The following COMMD10 variants were observed in gnomAD, a reference collection of about 807,000 sequenced individuals.
The protein encoded by COMMD10 is COMM domain-containing protein 10.
Under a neutral mutation model 28.9 loss-of-function variants are expected in COMMD10, and 33 were observed. That is an observed-to-expected ratio of 1.14 (90% confidence interval 0.87 to 1.53). COMMD10 has a LOEUF of 1.53. Ranked by LOEUF, COMMD10 falls within the 40% of genes most tolerant of loss-of-function variation. The probability of loss-of-function intolerance (pLI) is 0.00; values close to 1 mark genes in which losing one functional copy is unlikely to be tolerated. For synonymous variants in COMMD10, 110 were observed against 81.7 expected (o/e 1.35, Z -1.87); for missense variants, 310 against 233.4 (o/e 1.33, Z -2.14).
intron 3 of COMMD10, among the ~76,000 whole-genome samples, chr5:116,091,911 TAGG>T (rs1347546032): frequency 6.6e-6 from 1 of 152,192 alleles, no homozygotes. Flanking sequence ...ATGAACATAT[TAGG>T]AGGACAAGCT....
intron 5 of COMMD10, among the ~76,000 whole-genome samples, chr5:116,150,702 G>T (rs1453771850): frequency 7.1e-6 from 1 of 140,466 alleles, no homozygotes; most frequent in Non-Finnish European, 1.5e-5. Context: ...TTTGTACATT[G>T]ATTTTGTATC....
At chr5:116,217,943 A>T in intron 5 of COMMD10, 1 of 750,822 alleles carries the variant, frequency 1.3e-6, no homozygotes, top group South Asian at 1.5e-5. Flanking sequence ...AAAATTTTGC[A>T]TTTTTATAAA....
At chr5:116,246,783 G>A (rs1090076) in intron 5 of COMMD10, among the ~76,000 whole-genome samples, 132,934 of 152,140 alleles carry the variant, frequency 0.87, 58,159 homozygotes, top group Non-Finnish European at 0.9. Context: ...TTGGCTAGCC[G>A]TATGCAGAAG....
chr5:116,204,602 C>T (rs1748763844), intron 5 of COMMD10, among the ~76,000 whole-genome samples: 1 of 152,078 alleles, frequency 6.6e-6, no homozygotes, highest in Non-Finnish European at 1.5e-5. Flanking sequence ...ATCTGCCTTT[C>T]CCCTTTATTT....
chr5:116,126,497 A>C lies in COMMD10; in HGVS notation c.400-7571A>C, dbSNP rs185530326. ...TCCTAAGCAAAAAGAACAAAGCTGG[A>C]AGCATCACATTACCGGACTTCAAAC... On this transcript the variant is annotated intron_variant, in intron 4 of 6. Coordinates refer to ENST00000274458, the MANE Select transcript of COMMD10 (RefSeq NM_016144.4). Among the ~76,000 whole-genome samples the C allele has an allele frequency of 1.9e-3, 289 of 152,238 alleles. 2 individuals carry two copies. Among genetic ancestry groups the C allele is most frequent in the African/African-American group, 6.8e-3 (283 of 41,472 alleles).
chr5:116,151,725 T>C (rs987126527), intron 5 of COMMD10, among the ~76,000 whole-genome samples: 1 of 152,058 alleles, frequency 6.6e-6, no homozygotes, highest in Admixed American at 6.6e-5. Context: ...ATTTTTGTTG[T>C]GTCTATTTGA....
At chr5:116,149,818 C>T in intron 5 of COMMD10, among the ~76,000 whole-genome samples, 1 of 144,226 alleles carries the variant, frequency 6.9e-6, no homozygotes, top group East Asian at 2.0e-4. Flanking sequence ...CCTGTTCACT[C>T]TGATGGTAGT....
At chr5:116,130,138 A>G (rs1751817253) in intron 4 of COMMD10, among the ~76,000 whole-genome samples, 1 of 151,870 alleles carries the variant, frequency 6.6e-6, no homozygotes, top group African/African-American at 2.4e-5. Flanking sequence ...TTTAAAAATT[A>G]CTTTCCTTGT....
chr5:116,114,464 C>T (rs751048518), intron 4 of COMMD10, among the ~76,000 whole-genome samples: 7 of 152,060 alleles, frequency 4.6e-5, no homozygotes, highest in Admixed American at 6.5e-5. Flanking sequence ...AGAAACCAAC[C>T]GAGAGAGTAA....
intron 5 of COMMD10, among the ~76,000 whole-genome samples, chr5:116,196,852 T>C (rs6874747): frequency 0.2 from 30,888 of 152,050 alleles, 5,074 homozygotes; most frequent in African/African-American, 0.46. Flanking sequence ...TTTTCAAATT[T>C]ATCAGTAAGA....
intron 5 of COMMD10, among the ~76,000 whole-genome samples, chr5:116,195,023 A>G (rs951909468): frequency 1.3e-5 from 2 of 152,218 alleles, no homozygotes; most frequent in Admixed American, 6.5e-5. Context: ...ATACAAGTCA[A>G]TAAATGTGAT....
chr5:116,263,309 C>T (rs1750499377), intron 5 of COMMD10, among the ~76,000 whole-genome samples: 1 of 151,720 alleles, frequency 6.6e-6, no homozygotes, highest in Admixed American at 6.6e-5. Context: ...AAATTCTCAT[C>T]AGATGGGTTT....
At position 116,207,138 on chromosome 5, in the gene COMMD10, A is replaced by G. The variant is rs1265273198; in HGVS notation, c.510+72960A>G. Among the ~76,000 whole-genome samples the G allele has an allele frequency of 2.0e-5, 3 of 152,224 alleles. No individual in the cohort carries two copies. In the East Asian group the frequency reaches 5.8e-4, roughly 29 times the overall value. ...TTCTCTATTAATAATTACAATTATT[A>G]TATCACTATGTCAGTATGTGTGTTA... On this transcript the variant is annotated intron_variant, in intron 5 of 6. Coordinates refer to ENST00000274458, the MANE Select transcript of COMMD10 (RefSeq NM_016144.4).
intron 5 of COMMD10, among the ~76,000 whole-genome samples, chr5:116,183,319 A>T (rs9687350): frequency 0.32 from 47,961 of 151,952 alleles, 10,534 homozygotes; most frequent in African/African-American, 0.63. Flanking sequence ...AACCTAAAGA[A>T]CTTAGCAGAC....
chr5:116,190,865 GAAAC>G (rs991354144), intron 5 of COMMD10, among the ~76,000 whole-genome samples: 13 of 152,120 alleles, frequency 8.5e-5, no homozygotes, highest in African/African-American at 3.1e-4. Context: ...TACAAGTTGG[GAAAC>G]AAACACTTTA....
intron 5 of COMMD10, among the ~76,000 whole-genome samples, chr5:116,174,810 C>T (rs565821102): frequency 3.3e-5 from 5 of 152,180 alleles, no homozygotes; most frequent in African/African-American, 1.2e-4. Flanking sequence ...AATTTTTAAT[C>T]AAAGCTAACA....
chr5:116,131,972 A>C (rs1751877162), intron 4 of COMMD10, among the ~76,000 whole-genome samples: 1 of 152,006 alleles, frequency 6.6e-6, no homozygotes. Context: ...TTGTTATCCC[A>C]TCCTGAGGGG....
chr5:116,266,215 AAG>A (rs1160535984), intron 5 of COMMD10, among the ~76,000 whole-genome samples: 1 of 151,768 alleles, frequency 6.6e-6, no homozygotes, highest in African/African-American at 2.4e-5. Context: ...CTATATGAAA[AAG>A]AAAAATATTT....
At chr5:116,124,340 C>G (rs1308430287) in intron 4 of COMMD10, among the ~76,000 whole-genome samples, 2 of 152,198 alleles carry the variant, frequency 1.3e-5, no homozygotes, top group East Asian at 3.8e-4. Context: ...AGTAGTCATT[C>G]AGGAGCAGAT....
Sources: allele counts gnomAD v4.1 joint callset (sites outside exome capture counted in the v4.1 genomes callset), GRCh38; gene constraint gnomAD v4.1.1; transcripts MANE v1.5; gene names NCBI Gene and HGNC (gene_info 2026-07-23, HGNC 2026-07-21).